The following SPRED1 variants were observed in gnomAD, a reference collection of about 807,000 sequenced individuals.
SPRED1 encodes the protein sprouty related EVH1 domain containing 1.
In SPRED1, 18 loss-of-function variants were observed where a neutral mutation model predicts 52.3. The observed-to-expected ratio is 0.34, with a 90% CI of 0.24 to 0.51. The LOEUF (loss-of-function observed/expected upper bound fraction) is 0.51. SPRED1 is among the 20% of genes least tolerant of loss of function. SPRED1 has a pLI of 0.97. For synonymous variants in SPRED1, 155 were observed against 179.7 expected (o/e 0.86, Z 1.10); for missense variants, 485 against 551.0 (o/e 0.88, Z 1.20).
chr15:38,301,515 T>G (rs1895148842), intron 2 of SPRED1, among the ~76,000 whole-genome samples: 1 of 152,132 alleles, frequency 6.6e-6, no homozygotes, highest in Non-Finnish European at 1.5e-5. Context: ...AAATTTGCCA[T>G]ATTTCTTAGA....
intron 2 of SPRED1, among the ~76,000 whole-genome samples, chr15:38,306,414 A>G (rs918974037): frequency 6.6e-6 from 1 of 152,196 alleles, no homozygotes; most frequent in Non-Finnish European, 1.5e-5. Flanking sequence ...AGATGGAAAA[A>G]TAGGAAAACT....
At chr15:38,295,428 A>G (rs149766522) in intron 1 of SPRED1, among the ~76,000 whole-genome samples, 1 of 152,298 alleles carries the variant, frequency 6.6e-6, no homozygotes, top group African/African-American at 2.4e-5. Context: ...CACAATGGTA[A>G]GTATTTGTGT....
chr15:38,343,765 G>A (rs929800591), intron 5 of SPRED1, among the ~76,000 whole-genome samples: 15 of 151,984 alleles, frequency 9.9e-5, no homozygotes, highest in Non-Finnish European at 1.5e-4. Context: ...TATTATTAAT[G>A]TTTATCATAG....
rs1282286362 is a variant in SPRED1, at chr15:38,354,481, TGAA to T, written c.*2822_*2824del. 1 of 152,212 alleles carries T rather than the reference TGAA, an allele frequency of 6.6e-6. No homozygotes were observed. The highest frequency in any genetic ancestry group is 6.5e-5 in the Admixed American group (1 of 15,276). The allele number at this position is 152,212 out of a possible 1,614,324, so 9.4% of individuals were successfully genotyped here. A position where few individuals can be genotyped will look rare whatever the true frequency, so the allele number is the denominator to read the frequency against. ...TTCAAAAGGGACATCATTTGATTTC[TGAA>T]GAAGTATGTCGTGTGGAGCTTCAGC... is the stretch of plus-strand genomic sequence containing the variant. On this transcript the variant is annotated 3_prime_UTR_variant, in exon 7 of 7. Transcript: ENST00000299084.
chr15:38,339,923 C>T (rs369792420), intron 5 of SPRED1, 28 bp downstream of exon 5: 58 of 1,613,012 alleles, frequency 3.6e-5, no homozygotes, highest in African/African-American at 8.0e-5. Context: ...TTTTTCGGCG[C>T]GTTGTTTATA....
chr15:38,340,447 A>G (rs929782000), intron 5 of SPRED1, among the ~76,000 whole-genome samples: 4 of 152,324 alleles, frequency 2.6e-5, no homozygotes, highest in Admixed American at 2.0e-4. Context: ...TCAAGCATAC[A>G]TAAGATTCGA....
At position 38,299,563 on chromosome 15, in the gene SPRED1, T is replaced by G. The variant is rs1322998447; in HGVS notation, c.207+16T>G. Reference sequence around the variant, plus strand: ...GGACAAAATGGTAATGAATAATGTATCTAATACTATAATTTTAGATAATGA... The same window carrying G: ...GGACAAAATGGTAATGAATAATGTAGCTAATACTATAATTTTAGATAATGA... On this transcript the variant is annotated intron_variant, in intron 2 of 6. Transcript: ENST00000299084. The G allele has an allele frequency of 4.3e-6, 7 of 1,609,340 alleles. No individual in the cohort carries two copies. The highest frequency in any genetic ancestry group is 5.1e-6 in the Non-Finnish European group (6 of 1,176,040).
At chr15:38,347,129 T>C (rs1896154609) in intron 5 of SPRED1, among the ~76,000 whole-genome samples, 1 of 152,180 alleles carries the variant, frequency 6.6e-6, no homozygotes, top group Non-Finnish European at 1.5e-5. Flanking sequence ...CTCTTCCCTA[T>C]CCTCATCTTA....
intron 2 of SPRED1, among the ~76,000 whole-genome samples, chr15:38,318,240 C>T (rs527532949): frequency 1.3e-5 from 2 of 151,992 alleles, no homozygotes; most frequent in South Asian, 2.1e-4. Context: ...AGTATTTTCT[C>T]GTATTTTTAT....
chr15:38,348,440 CTG>C lies in SPRED1; in HGVS notation c.583-974_583-973del, dbSNP rs1401521964. ...TCTGTGTGTGTGTGTGTGTGTGTGT[CTG>C]TGTGTGTAAAAATTTTTGGAGGAAT... On this transcript the variant is annotated intron_variant, in intron 5 of 6. Coordinates refer to ENST00000299084, the MANE Select transcript of SPRED1 (RefSeq NM_152594.3). 9.6e-5 allele frequency among the ~76,000 whole-genome samples: 13 copies of C among 135,000 alleles called. No individual in the cohort carries two copies. In the South Asian group the frequency reaches 2.0e-3, roughly 21 times the overall value. 88.6% of individuals were successfully genotyped at this position (135,000 alleles called of 152,430 possible).
chr15:38,260,155 A>G (rs1894178273), intron 1 of SPRED1, among the ~76,000 whole-genome samples: 1 of 152,254 alleles, frequency 6.6e-6, no homozygotes, highest in African/African-American at 2.4e-5. Flanking sequence ...AGCAACAACA[A>G]GTTTATTGTC....
At chr15:38,320,936 C>T (rs1478636409) in intron 2 of SPRED1, among the ~76,000 whole-genome samples, 1 of 152,086 alleles carries the variant, frequency 6.6e-6, no homozygotes, top group Non-Finnish European at 1.5e-5. Context: ...GGAATGGATC[C>T]TATACTGGAA....
intron 1 of SPRED1, among the ~76,000 whole-genome samples, chr15:38,281,212 A>G (rs998823433): frequency 2.0e-5 from 3 of 152,218 alleles, no homozygotes; most frequent in Non-Finnish European, 4.4e-5. Flanking sequence ...AGAACTTCCT[A>G]CTGATGTGAT....
intron 1 of SPRED1, among the ~76,000 whole-genome samples, chr15:38,294,423 AT>A (rs1173872448): frequency 1.3e-5 from 2 of 152,054 alleles, no homozygotes; most frequent in African/African-American, 2.4e-5. Context: ...CTGTATATAT[AT>A]TACTGTATCT....
At chr15:38,268,358 T>C (rs1219116532) in intron 1 of SPRED1, 4 of 152,236 alleles carry the variant, frequency 2.6e-5, no homozygotes, top group Admixed American at 2.0e-4. Flanking sequence ...TCCCAAATAC[T>C]TCACAGTAGT....
chr15:38,285,474 T>C (rs1377766518), intron 1 of SPRED1, among the ~76,000 whole-genome samples: 1 of 152,180 alleles, frequency 6.6e-6, no homozygotes, highest in Non-Finnish European at 1.5e-5. Context: ...GAATCTGGCA[T>C]ACAGAATATC....
intron 4 of SPRED1, chr15:38,326,154 G>GA (rs1423486516): frequency 6.6e-6 from 1 of 152,170 alleles, no homozygotes; most frequent in Non-Finnish European, 1.5e-5. Context: ...AACCATATTG[G>GA]AAAATGGAAG....
chr15:38,333,176 G>A (rs1895841014), intron 4 of SPRED1, among the ~76,000 whole-genome samples: 1 of 152,202 alleles, frequency 6.6e-6, no homozygotes, highest in South Asian at 2.1e-4. Flanking sequence ...TAGGGTGATA[G>A]ATACATATAA....
intron 1 of SPRED1, among the ~76,000 whole-genome samples, chr15:38,292,210 C>G (rs1258982562): frequency 2.0e-5 from 3 of 152,300 alleles, no homozygotes; most frequent in South Asian, 2.1e-4. Flanking sequence ...CAGTTCCCAA[C>G]AAGTTCCTCA....
Sources: allele counts gnomAD v4.1 joint callset (sites outside exome capture counted in the v4.1 genomes callset), GRCh38; gene constraint gnomAD v4.1.1; transcripts MANE v1.5; gene names NCBI Gene and HGNC (gene_info 2026-07-23, HGNC 2026-07-21).